The following GAP43 variants were observed in gnomAD, a reference collection of about 807,000 sequenced individuals.
GAP43 encodes the protein neuromodulin.
In GAP43, 6 loss-of-function variants were observed where a neutral mutation model predicts 18.6. The observed-to-expected ratio is 0.32, with a 90% CI of 0.18 to 0.64. The LOEUF is 0.64. Ranked by LOEUF, GAP43 falls within the 30% of genes least tolerant of loss-of-function variation. GAP43 has a pLI of 0.78. For missense variants in GAP43, 292 were observed against 295.5 expected (o/e 0.99, Z 0.09); for synonymous variants, 115 against 111.4 (o/e 1.03, Z -0.20).
intron 1 of GAP43, among the ~76,000 whole-genome samples, chr3:115,630,263 T>C (rs925671710): frequency 6.6e-6 from 1 of 152,208 alleles, no homozygotes; most frequent in African/African-American, 2.4e-5. Context: ...CTTAGGTGTG[T>C]GTGCTCAAAA....
chr3:115,623,543 GGA>G lies in GAP43; in HGVS notation c.-139_-138del, dbSNP rs1453326231. On this transcript the variant is annotated 5_prime_UTR_variant, in exon 1 of 3. Coordinates refer to ENST00000305124, the MANE Select transcript of GAP43 (RefSeq NM_002045.4). ...TGCTAACTGCCCTGGTGTGTGTGAGGGAGAGAGAGGGAGGGAGGGAGAGAGAG... is the reference window on the plus strand; with the variant it reads ...TGCTAACTGCCCTGGTGTGTGTGAGGGAGAGAGGGAGGGAGGGAGAGAGAG... The G allele has an allele frequency of 5.4e-6, 5 of 923,260 alleles. No homozygotes were observed. Among genetic ancestry groups the G allele is most frequent in the Admixed American group, 4.1e-5 (2 of 48,352 alleles). 57.2% of individuals were successfully genotyped at this position (923,260 alleles called of 1,614,324 possible).
chr3:115,666,418 A>G (rs1445860412), intron 1 of GAP43, among the ~76,000 whole-genome samples: 1 of 152,162 alleles, frequency 6.6e-6, no homozygotes, highest in African/African-American at 2.4e-5. Context: ...CTCATGACCA[A>G]ATCTCCTCTG....
rs1708531283 is a variant in GAP43 at position 115,652,389 on chromosome 3, A to ATTTTTTTTTTTT, written c.31-23623_31-23622insTTTTTTTTTTTT. Among the ~76,000 whole-genome samples, 4 of 25,620 alleles carry ATTTTTTTTTTTT rather than the reference A, an allele frequency of 1.6e-4. 1 individual carries two copies. The highest frequency in any genetic ancestry group is 3.5e-4 in the African/African-American group (3 of 8,634). The allele number at this position is 25,620 out of a possible 152,430, so 16.8% of individuals were successfully genotyped here. On this transcript the variant is annotated intron_variant, in intron 1 of 2. Transcript: ENST00000305124. The stretch of plus-strand genomic sequence containing the variant: ...TTTTTTTTTTTTTTTTTTTTTTGTG[A>ATTTTTTTTTTTT]TAGAGTCTTGCTCTGTTGAGTCTTG...
chr3:115,702,814 T>G (rs1323435117), intron 2 of GAP43, among the ~76,000 whole-genome samples: 3 of 152,142 alleles, frequency 2.0e-5, no homozygotes, highest in Non-Finnish European at 4.4e-5. Context: ...AGTATCTGTA[T>G]CTATTTTTGT....
rs562852312 is a variant in GAP43, at chr3:115,661,959, G to C, written c.31-14054G>C. On this transcript the variant is annotated intron_variant, in intron 1 of 2. Coordinates refer to ENST00000305124, the MANE Select transcript of GAP43 (RefSeq NM_002045.4). ...AAAGCAATGCATATTTTCTTAGCTT[G>C]ATAAGCAATGGGAATGTCTAAAGTT... 2.7e-5 allele frequency among the ~76,000 whole-genome samples: 4 copies of C among 149,094 alleles called. No homozygotes were observed. In the South Asian group the frequency reaches 8.6e-4, roughly 32 times the overall value.
chr3:115,675,292 G>A (rs924429969), intron 1 of GAP43, among the ~76,000 whole-genome samples: 4 of 152,188 alleles, frequency 2.6e-5, no homozygotes, highest in Admixed American at 6.5e-5. Flanking sequence ...GGATGGTCTC[G>A]AACTCCTATG....
At chr3:115,715,159 T>C (rs1301066590) in intron 2 of GAP43, among the ~76,000 whole-genome samples, 1 of 152,180 alleles carries the variant, frequency 6.6e-6, no homozygotes, top group Non-Finnish European at 1.5e-5. Context: ...TTTCAACATA[T>C]GAATTTTGAA....
chr3:115,692,017 A>G (rs1709121767), intron 2 of GAP43, among the ~76,000 whole-genome samples: 1 of 152,202 alleles, frequency 6.6e-6, no homozygotes. Flanking sequence ...TGGGAACTGG[A>G]TGGGCTTCAG....
intron 2 of GAP43, among the ~76,000 whole-genome samples, chr3:115,694,803 T>A (rs1709163848): frequency 6.6e-6 from 1 of 152,246 alleles, no homozygotes; most frequent in Non-Finnish European, 1.5e-5. Flanking sequence ...AATTGGGGAA[T>A]GAAACATTCT....
At chr3:115,641,753 G>A (rs115373186) in intron 1 of GAP43, among the ~76,000 whole-genome samples, 130 of 152,174 alleles carry the variant, frequency 8.5e-4, no homozygotes, top group African/African-American at 2.4e-3. Flanking sequence ...TAGAGCTAAA[G>A]AGAGCTTAGG....
At chr3:115,703,701 T>C (rs283390) in intron 2 of GAP43, among the ~76,000 whole-genome samples, 67,928 of 151,820 alleles carry the variant, frequency 0.45, 15,795 homozygotes, top group African/African-American at 0.56. Context: ...GAAAAAAACA[T>C]TGGGTTCAGA....
chr3:115,718,782 C>G (rs1039030753), intron 2 of GAP43, among the ~76,000 whole-genome samples: 2 of 152,072 alleles, frequency 1.3e-5, no homozygotes, highest in African/African-American at 4.8e-5. Context: ...AAAACCTAAC[C>G]TATTTTCAAA....
At chr3:115,697,262 G>A (rs986636290) in intron 2 of GAP43, among the ~76,000 whole-genome samples, 2 of 151,924 alleles carry the variant, frequency 1.3e-5, no homozygotes, top group African/African-American at 2.4e-5. Context: ...CGTACACTGT[G>A]GTATTCTCAG....
Position 115,635,147 on chromosome 3 carries a change from AC to A in GAP43, c.30+11429del, listed in dbSNP as rs1294874758. On this transcript the variant is annotated intron_variant, in intron 1 of 2. Coordinates refer to ENST00000305124, the MANE Select transcript of GAP43 (RefSeq NM_002045.4). ...ATGCAACATCTGCAATATTTCCTTA[AC>A]TCTCAAGGACTTGTTTATCCTAATA... Among the ~76,000 whole-genome samples the A allele has an allele frequency of 2.6e-5, 4 of 152,146 alleles. No homozygotes were observed. The East Asian group carries it at 7.8e-4, about 30-fold the overall frequency.
At chr3:115,632,648 A>G (rs1016415669) in intron 1 of GAP43, among the ~76,000 whole-genome samples, 2 of 152,192 alleles carry the variant, frequency 1.3e-5, no homozygotes, top group African/African-American at 4.8e-5. Context: ...TTAAAGTATA[A>G]TAACTGGATC....
At chr3:115,698,198 TTATATATTATATAA>T (rs1559804375) in intron 2 of GAP43, among the ~76,000 whole-genome samples, 6 of 5,130 alleles carry the variant, frequency 1.2e-3, no homozygotes, top group African/African-American at 2.3e-3. Flanking sequence ...TAAATATATA[TTATATATTATATAA>T]AATATATAAT....
At chr3:115,647,344 TTA>T (rs1708468806) in intron 1 of GAP43, among the ~76,000 whole-genome samples, 1 of 152,064 alleles carries the variant, frequency 6.6e-6, no homozygotes, top group Admixed American at 6.6e-5. Flanking sequence ...GTTAACCAGT[TTA>T]TGTTTATTTT....
intron 1 of GAP43, among the ~76,000 whole-genome samples, chr3:115,655,693 T>C (rs1708571131): frequency 6.6e-6 from 1 of 152,222 alleles, no homozygotes; most frequent in Non-Finnish European, 1.5e-5. Context: ...CATAACTTAG[T>C]AAATGTGATA....
In GAP43 at chr3:115,623,535, T is replaced by C. The variant is rs1032384923; in HGVS notation, c.-155T>C. 5.2e-6 allele frequency: 4 copies of C among 776,374 alleles called. No individual in the cohort carries two copies. In the African/African-American group the frequency reaches 5.4e-5, roughly 10 times the overall value. 48.1% of individuals were successfully genotyped at this position (776,374 alleles called of 1,614,324 possible). On this transcript the variant is annotated 5_prime_UTR_variant, in exon 1 of 3. Transcript: ENST00000305124. ...ACAGTTGCTGCTAACTGCCCTGGTG[T>C]GTGTGAGGGAGAGAGAGGGAGGGAG...
Sources: gnomAD v4.1 joint callset for allele counts (sites outside exome capture counted in the v4.1 genomes callset) on GRCh38, gnomAD v4.1.1 for gene constraint, MANE v1.5 for transcripts, NCBI Gene and HGNC (gene_info 2026-07-23, HGNC 2026-07-21) for gene names.